NNT: variants seen among roughly 807,000 people sequenced by gnomAD.
NNT encodes NAD(P) transhydrogenase, mitochondrial.
A neutral mutation model predicts 104.8 loss-of-function variants in NNT; 50 were observed. The observed-to-expected ratio is 0.48, with a 90% CI of 0.38 to 0.60. The LOEUF (loss-of-function observed/expected upper bound fraction) is 0.60, where lower values mean the gene tolerates loss of function less well. Ranked by LOEUF, NNT falls within the 20% of genes least tolerant of loss-of-function variation. The pLI is 0.00. For missense variants in NNT, 1,131 were observed against 1,330.7 expected (o/e 0.85, Z 2.33); for synonymous variants, 461 against 490.4 (o/e 0.94, Z 0.79).
At chr5:43,608,811 T>C (rs1265637458) in intron 1 of NNT, among the ~76,000 whole-genome samples, 1 of 152,184 alleles carries the variant, frequency 6.6e-6, no homozygotes, top group Non-Finnish European at 1.5e-5. Flanking sequence ...AGATACAACT[T>C]GATTCTGTAG....
In NNT at chr5:43,607,613, G is replaced by A. The variant is rs187042476; in HGVS notation, c.-53-1530G>A. ...CACACGGACGTGCATAACAACGCCC[G>A]GCTAATTTTTTGTATTTTTAGTAGA... On this transcript the variant is annotated intron_variant, in intron 1 of 21. Coordinates refer to ENST00000344920, the MANE Select transcript of NNT (RefSeq NM_182977.3). Among the ~76,000 whole-genome samples, 361 of 152,182 alleles carry A rather than the reference G, an allele frequency of 2.4e-3. 1 individual carries two copies. Among genetic ancestry groups the A allele is most frequent in the Admixed American group, 5.0e-3 (76 of 15,290 alleles).
intron 4 of NNT, among the ~76,000 whole-genome samples, 190 bp from the exon 5 acceptor site, chr5:43,618,842 G>T (rs1749920518): frequency 6.6e-6 from 1 of 152,052 alleles, no homozygotes; most frequent in Admixed American, 6.6e-5. Flanking sequence ...CTTTCCATAG[G>T]CTTGTTGTGC....
At chr5:43,679,267 C>T (rs1180030637) in intron 19 of NNT, among the ~76,000 whole-genome samples, 1 of 152,110 alleles carries the variant, frequency 6.6e-6, no homozygotes, top group Non-Finnish European at 1.5e-5. Flanking sequence ...TCTATTTAGT[C>T]CAGATGTGAA....
intron 6 of NNT, among the ~76,000 whole-genome samples, chr5:43,624,610 A>G (rs1750269353): frequency 6.6e-6 from 1 of 152,226 alleles, no homozygotes; most frequent in African/African-American, 2.4e-5. Context: ...AGAGCTGCAT[A>G]TATTTTTCTG....
chr5:43,656,151 A>G, intron 15 of NNT, 78 bp downstream of exon 15: 1 of 1,256,260 alleles, frequency 8.0e-7, no homozygotes, highest in Non-Finnish European at 1.1e-6. Flanking sequence ...TTCAGAAAAT[A>G]CATTAACAGG....
chr5:43,678,136 A>T (rs1420734007), intron 19 of NNT, among the ~76,000 whole-genome samples: 1 of 152,230 alleles, frequency 6.6e-6, no homozygotes, highest in Non-Finnish European at 1.5e-5. Flanking sequence ...GAAGTGGATC[A>T]TCATAAAGGT....
upstream of NNT, chr5:43,602,723 G>A (rs149124596): frequency 4.7e-4 from 71 of 152,338 alleles, no homozygotes; most frequent in African/African-American, 1.7e-3. Flanking sequence ...CAGAAGTTCT[G>A]ATTTTTCCTA....
chr5:43,707,255 G>T lies in NNT; in HGVS notation c.*2851G>T, dbSNP rs1409574201. 6.6e-6 allele frequency: 1 copy of T among 151,926 alleles called. No individual in the cohort carries two copies. Among genetic ancestry groups the T allele is most frequent in the Non-Finnish European group, 1.5e-5 (1 of 67,978 alleles). 9.4% of individuals were successfully genotyped at this position (151,926 alleles called of 1,614,324 possible). Reference sequence around the variant, plus strand: ...ATTGTATTCTTGAAAAATTCTAAGAGAGTGGATGTGAAGTGTTCTCACCAC... The same window carrying T: ...ATTGTATTCTTGAAAAATTCTAAGATAGTGGATGTGAAGTGTTCTCACCAC... On this transcript the variant is annotated 3_prime_UTR_variant, in exon 22 of 22. Transcript: ENST00000344920.
At chr5:43,651,016 A>G (rs1314339591) in intron 12 of NNT, among the ~76,000 whole-genome samples, 1 of 152,194 alleles carries the variant, frequency 6.6e-6, no homozygotes, top group Non-Finnish European at 1.5e-5. Context: ...GTAGCTAACA[A>G]TTCTTTAATG....
intron 1 of NNT, among the ~76,000 whole-genome samples, chr5:43,608,633 T>A (rs1749346782): frequency 6.6e-6 from 1 of 152,226 alleles, no homozygotes; most frequent in South Asian, 2.1e-4. Context: ...TGGATAAGCA[T>A]CCTGCTGCAC....
At chr5:43,675,437 T>C (rs1741359370) in intron 17 of NNT, 74 bp from the exon 18 acceptor site, 1 of 1,266,680 alleles carries the variant, frequency 7.9e-7, no homozygotes, top group Non-Finnish European at 1.1e-6. Flanking sequence ...CCAAATATCA[T>C]ATACACAACA....
At chr5:43,651,533 G>A (rs1037007369) in intron 12 of NNT, among the ~76,000 whole-genome samples, 1 of 151,986 alleles carries the variant, frequency 6.6e-6, no homozygotes, top group East Asian at 1.9e-4. Flanking sequence ...AGCCAAGATC[G>A]TGTCACTGCA....
At chr5:43,649,117 T>G (rs1274022422) in intron 10 of NNT, 30 bp from the exon 11 acceptor site, 5 of 1,611,882 alleles carry the variant, frequency 3.1e-6, no homozygotes, top group Non-Finnish European at 4.2e-6. Flanking sequence ...GGATGTCAGC[T>G]CAAACACACT....
rs113758683 is a variant in NNT, at chr5:43,608,029, CA to C, written c.-53-1112del. Among the ~76,000 whole-genome samples the C allele has an allele frequency of 4.8e-3, 730 of 152,106 alleles. 5 individuals carry two copies. Among genetic ancestry groups the C allele is most frequent in the African/African-American group, 0.016 (656 of 41,490 alleles). ...CACTGCATCCTCCACCTCCCAGGTT[CA>C]ACCAATTCTCCTGCTTCAGCCTCCT... is the stretch of plus-strand genomic sequence containing the variant. On this transcript the variant is annotated intron_variant, in intron 1 of 21. Coordinates refer to ENST00000344920, the MANE Select transcript of NNT (RefSeq NM_182977.3).
chr5:43,641,060 G>C (rs1279981419), intron 7 of NNT, among the ~76,000 whole-genome samples: 1 of 151,680 alleles, frequency 6.6e-6, no homozygotes, highest in Non-Finnish European at 1.5e-5. Context: ...TATGGTATTA[G>C]GTTTGGGTAG....
intron 10 of NNT, chr5:43,647,858 C>T: frequency 2.2e-6 from 1 of 455,380 alleles, no homozygotes; most frequent in Non-Finnish European, 4.4e-6. Flanking sequence ...AAATACTTCA[C>T]ATGTCTTAGC....
chr5:43,612,413 G>A (rs1749547976), intron 2 of NNT, among the ~76,000 whole-genome samples: 2 of 152,206 alleles, frequency 1.3e-5, no homozygotes, highest in South Asian at 4.1e-4. Context: ...ACAACACTTA[G>A]AAATTTATGA....
Position 43,648,245 on chromosome 5 carries a change from C to A in NNT, c.1445-902C>A, listed in dbSNP as rs1739556336. ...ATTTAATGTAAAATTAATGTCAATC[C>A]CTAGATATTCCAGTGGTGCCACTTC... On this transcript the variant is annotated intron_variant, in intron 10 of 21. Coordinates refer to ENST00000344920, the MANE Select transcript of NNT (RefSeq NM_182977.3). 8.7e-6 allele frequency: 9 copies of A among 1,030,872 alleles called. No homozygotes were observed. In the South Asian group the frequency reaches 3.3e-4, roughly 37 times the overall value. The allele number at this position is 1,030,872 out of a possible 1,614,324, so 63.9% of individuals were successfully genotyped here.
chr5:43,611,689 C>T (rs892499559), intron 2 of NNT, among the ~76,000 whole-genome samples: 2 of 152,054 alleles, frequency 1.3e-5, no homozygotes, highest in Admixed American at 1.3e-4. Flanking sequence ...TAAGGTCTTA[C>T]TTAATAAGTT....
Sources: allele counts gnomAD v4.1 joint callset (sites outside exome capture counted in the v4.1 genomes callset), GRCh38; gene constraint gnomAD v4.1.1; transcripts MANE v1.5; gene names NCBI Gene and HGNC (gene_info 2026-07-23, HGNC 2026-07-21).